Variants in MCM5 observed in about 807,000 individuals in gnomAD.
MCM5 encodes the protein DNA replication licensing factor MCM5.
Under a neutral mutation model 79.9 loss-of-function variants are expected in MCM5, and 46 were observed. That is an observed-to-expected ratio of 0.58 (90% CI 0.45 to 0.74). The LOEUF (loss-of-function observed/expected upper bound fraction) is 0.74. MCM5 is among the 30% of genes least tolerant of loss of function. MCM5 has a pLI of 0.00. For missense variants in MCM5, 883 were observed against 1,017.0 expected (o/e 0.87, Z 1.79); for synonymous variants, 404 against 390.5 (o/e 1.03, Z -0.41).
intron 15 of MCM5, chr22:35,421,887 G>A: frequency 3.4e-6 from 1 of 290,006 alleles, no homozygotes; most frequent in Non-Finnish European, 6.8e-6. Flanking sequence ...CACTCGAAGG[G>A]GCCTTTCCCT....
rs376754915 is a variant in MCM5, at chr22:35,417,797, G to A, written c.1644G>A (p.Gln548=). ...TLHVSALTQT[Q]AVEGEIDLAK... ...ACGTGAGCGCACTGACACAGACACA[G>A]GCTGTGGAGGGCGAGATTGACCTGG... Residue 548 remains glutamine, a synonymous_variant, in exon 13 of 17, where the codon CAG becomes CAA. Transcript: ENST00000216122. 197 of 1,614,218 alleles carry A rather than the reference G, an allele frequency of 1.2e-4. 3 individuals carry two copies. The South Asian group carries it at 2.0e-3, about 16-fold the overall frequency.
At chr22:35,438,895 A>G in the MCM5 span, among the ~76,000 whole-genome samples, 3 of 60,978 alleles carry the variant, frequency 4.9e-5, no homozygotes, top group African/African-American at 2.5e-4. Flanking sequence ...ATCCATCTAC[A>G]TATCCATCCA....
Position 35,424,180 on chromosome 22 carries a change from G to A in MCM5, c.2130G>A (p.Lys710=), listed in dbSNP as rs1399804565. Reference sequence around the variant, plus strand: ...AATACCCGGAGCACGCCATCCACAAGGTGCTGCAGCTCATGCTGCGGCGCG... The same window carrying A: ...AATACCCGGAGCACGCCATCCACAAAGTGCTGCAGCTCATGCTGCGGCGCG... The part of the protein sequence containing the change: ...KQKYPEHAIH[K]VLQLMLRRGE... The change falls in exon 17 of 17, where the codon AAG becomes AAA. Residue 710 remains lysine, a synonymous_variant. Coordinates refer to ENST00000216122, the MANE Select transcript of MCM5 (RefSeq NM_006739.4). The A allele has an allele frequency of 6.4e-7, 1 of 1,552,326 alleles. No homozygotes were observed. Among genetic ancestry groups the A allele is most frequent in the Admixed American group, 2.0e-5 (1 of 51,078 alleles).
Position 35,416,652 on chromosome 22 carries a change from C to G in MCM5, c.1428C>G (p.Thr476=). 1 of 1,613,896 alleles carries G rather than the reference C, an allele frequency of 6.2e-7. No individual in the cohort carries two copies. Among genetic ancestry groups the G allele is most frequent in the Non-Finnish European group, 8.5e-7 (1 of 1,179,868 alleles). Reference sequence around the variant, plus strand: ...TCGCCTGTTAGGCTGGGATCACCACCACCCTGAACTCCCGCTGCTCCGTCC... The same window carrying G: ...TCGCCTGTTAGGCTGGGATCACCACGACCCTGAACTCCCGCTGCTCCGTCC... ...TISIAKAGIT[T]TLNSRCSVLA... The change falls in exon 12 of 17, where the codon ACC becomes ACG. Residue 476 remains threonine, a synonymous_variant. Coordinates refer to ENST00000216122, the MANE Select transcript of MCM5 (RefSeq NM_006739.4).
At chr22:35,440,903 C>A in the MCM5 span, among the ~76,000 whole-genome samples, 1 of 151,938 alleles carries the variant, frequency 6.6e-6, no homozygotes, top group Non-Finnish European at 1.5e-5. Context: ...ACTAAAAAAA[C>A]AAAATTAGCC....
chr22:35,414,492 A>T lies in MCM5; in HGVS notation c.1203+506A>T, dbSNP rs1368351935. On this transcript the variant is annotated intron_variant, in intron 9 of 16. Transcript: ENST00000216122. Reference sequence around the variant, plus strand: ...AAATAACTAGCCAGGCGTGATATGCACCTGTGGTCCCAGCTGCTTGGGAGG... The same window carrying T: ...AAATAACTAGCCAGGCGTGATATGCTCCTGTGGTCCCAGCTGCTTGGGAGG... Among the ~76,000 whole-genome samples the T allele has an allele frequency of 4.6e-5, 7 of 151,976 alleles. No homozygotes were observed. In the East Asian group the frequency reaches 1.4e-3, roughly 29 times the overall value.
At position 35,417,762 on chromosome 22, in the gene MCM5, A is replaced by G. The variant is rs1212515101; in HGVS notation, c.1609A>G (p.Ile537Val). 2 of 1,613,978 alleles carry G rather than the reference A, an allele frequency of 1.2e-6. No individual in the cohort carries two copies. The highest frequency in any genetic ancestry group is 3.3e-5 in the Admixed American group (2 of 60,020). The change falls in exon 13 of 17, where the codon ATC becomes GTC. Residue 537 changes from isoleucine (I) to valine (V), a missense_variant. By Grantham distance (29) the Ile-to-Val change is conservative. Coordinates refer to ENST00000216122, the MANE Select transcript of MCM5 (RefSeq NM_006739.4). ...ERDVMLAKHV[I>V]TLHVSALTQT... Reference sequence around the variant, plus strand: ...TCTCCAGATGCTGGCCAAGCATGTCATCACTCTGCACGTGAGCGCACTGAC... The same window carrying G: ...TCTCCAGATGCTGGCCAAGCATGTCGTCACTCTGCACGTGAGCGCACTGAC...
At chr22:35,449,596 C>T in the MCM5 span, among the ~76,000 whole-genome samples, 4 of 151,344 alleles carry the variant, frequency 2.6e-5, no homozygotes, top group Non-Finnish European at 5.9e-5. Flanking sequence ...CAGCCGTGGC[C>T]CCTCTGTCCC....
At chr22:35,430,686 AT>A in the MCM5 span, among the ~76,000 whole-genome samples, 2 of 151,196 alleles carry the variant, frequency 1.3e-5, no homozygotes, top group African/African-American at 4.9e-5. Context: ...TTTGTTTTGT[AT>A]TTTTAGTAGA....
chr22:35,426,149 G>A (rs1007873391), downstream of MCM5, among the ~76,000 whole-genome samples: 2 of 152,142 alleles, frequency 1.3e-5, no homozygotes, highest in African/African-American at 4.8e-5. Flanking sequence ...GCCAAAGGGG[G>A]TCCGACTGGC....
Position 35,410,884 on chromosome 22 carries a change from G to A in MCM5, c.893G>A (p.Gly298Asp). ...CGAAGCTCCTACATCCGTGTCCTGG[G>A]CATCCAGGTGGACACAGATGGCTCT... is the stretch of plus-strand genomic sequence containing the variant. The part of the protein sequence containing the change: ...GIRSSYIRVL[G>D]IQVDTDGSGR... Residue 298 changes from glycine (G) to aspartate (D), a missense_variant, in exon 7 of 17, where the codon GGC (glycine) becomes GAC (aspartate). Gly to Asp is a moderately conservative substitution (Grantham distance 94). Around this residue, in one of 3 missense-constraint regions of MCM5, gnomAD observed 455 missense variants for 517.5 expected, o/e 0.88. Transcript: ENST00000216122. 6.2e-7 allele frequency: 1 copy of A among 1,608,854 alleles called. No individual in the cohort carries two copies. Among genetic ancestry groups the A allele is most frequent in the Non-Finnish European group, 8.5e-7 (1 of 1,176,042 alleles).
At chr22:35,423,521 C>A in intron 16 of MCM5, 180 bp downstream of exon 16, 1 of 561,108 alleles carries the variant, frequency 1.8e-6, no homozygotes, top group Non-Finnish European at 2.8e-6. Flanking sequence ...ACATCTTCAT[C>A]AGGAGCAGGG....
At chr22:35,421,622 C>T in intron 15 of MCM5, 162 bp downstream of exon 15, 1 of 895,766 alleles carries the variant, frequency 1.1e-6, no homozygotes, top group Non-Finnish European at 1.8e-6. Flanking sequence ...CCCTCTCCTC[C>T]TTTCTCCCCA....
the MCM5 span, among the ~76,000 whole-genome samples, chr22:35,449,168 C>T: frequency 2.6e-5 from 4 of 152,164 alleles, no homozygotes; most frequent in Non-Finnish European, 5.9e-5. Flanking sequence ...CTCCCTGAGG[C>T]GTCTGCTTCT....
chr22:35,435,450 G>A, the MCM5 span, among the ~76,000 whole-genome samples: 1 of 152,222 alleles, frequency 6.6e-6, no homozygotes, highest in Non-Finnish European at 1.5e-5. Context: ...GATTCCTCAG[G>A]GAGGGGAGGA....
chr22:35,451,583 G>A, the MCM5 span, among the ~76,000 whole-genome samples: 2 of 152,242 alleles, frequency 1.3e-5, no homozygotes, highest in South Asian at 2.1e-4. Flanking sequence ...TCGAGAGGGG[G>A]CTTTGTGCCC....
At position 35,424,349 on chromosome 22, in the gene MCM5, C is replaced by A; in HGVS notation, c.*94C>A. On this transcript the variant is annotated 3_prime_UTR_variant, in exon 17 of 17. Transcript: ENST00000216122. Reference sequence around the variant, plus strand: ...CAATGTTGCTGGGACCTCTGCCTCCCCACTGCAGCCCTCGAACTTCCCAGG... The same window carrying A: ...CAATGTTGCTGGGACCTCTGCCTCCACACTGCAGCCCTCGAACTTCCCAGG... 1 of 884,064 alleles carries A rather than the reference C, an allele frequency of 1.1e-6. No homozygotes were observed. The highest frequency in any genetic ancestry group is 1.7e-6 in the Non-Finnish European group (1 of 578,698). 54.8% of individuals were successfully genotyped at this position (884,064 alleles called of 1,614,324 possible). A position where few individuals can be genotyped will look rare whatever the true frequency, so the allele number is the denominator to read the frequency against.
chr22:35,440,502 G>C, the MCM5 span, among the ~76,000 whole-genome samples: 1 of 152,344 alleles, frequency 6.6e-6, no homozygotes, highest in South Asian at 2.1e-4. Context: ...GGGTTGAGAG[G>C]GGAGGAGGTA....
intron 2 of MCM5, among the ~76,000 whole-genome samples, chr22:35,401,123 T>G (rs773447471): frequency 3.9e-4 from 60 of 152,184 alleles, no homozygotes; most frequent in Non-Finnish European, 1.6e-4. Context: ...CCCGGCCTGC[T>G]TTGTGTATTT....
Sources: allele counts gnomAD v4.1 joint callset (sites outside exome capture counted in the v4.1 genomes callset), GRCh38; gene constraint gnomAD v4.1.1; regional missense constraint gnomAD v4.1.1; transcripts MANE v1.5; gene names NCBI Gene and HGNC (gene_info 2026-07-23, HGNC 2026-07-21).